The following ZNF385B variants were observed in gnomAD, a reference collection of about 807,000 sequenced individuals.
The protein encoded by ZNF385B is zinc finger protein 533.
In ZNF385B, 23 loss-of-function variants were observed where a neutral mutation model predicts 39.2. That is an observed-to-expected ratio of 0.59 (90% CI 0.42 to 0.83). ZNF385B has a LOEUF of 0.83. Ranked by LOEUF, ZNF385B falls within the 40% of genes least tolerant of loss-of-function variation. The pLI, the probability that ZNF385B is intolerant of heterozygous loss-of-function variation, is 0.00. For missense variants in ZNF385B, 552 were observed against 598.9 expected, an observed-to-expected ratio of 0.92 and a Z score of 0.82; for synonymous variants, 205 against 222.6, an observed-to-expected ratio of 0.92 and a Z score of 0.70.
intron 3 of ZNF385B, among the ~76,000 whole-genome samples, chr2:179,570,899 C>T (rs1161122576): frequency 1.3e-5 from 2 of 152,166 alleles, no homozygotes; most frequent in African/African-American, 4.8e-5. Context: ...TGAAAAGTTG[C>T]AGGCAAACCG....
intron 5 of ZNF385B, among the ~76,000 whole-genome samples, chr2:179,515,261 C>T (rs1305473973): frequency 6.6e-6 from 1 of 152,182 alleles, no homozygotes; most frequent in African/African-American, 2.4e-5. Context: ...TTCTAATAGG[C>T]AAATCCTTAT....
At chr2:179,507,297 C>G (rs1450246219) in intron 5 of ZNF385B, among the ~76,000 whole-genome samples, 1 of 152,166 alleles carries the variant, frequency 6.6e-6, no homozygotes. Context: ...AGGCCCCCTG[C>G]AGCCTATTCA....
chr2:179,594,850 C>G (rs1687869929), intron 3 of ZNF385B, among the ~76,000 whole-genome samples: 1 of 151,162 alleles, frequency 6.6e-6, no homozygotes, highest in African/African-American at 2.4e-5. Flanking sequence ...TTCTTTCACC[C>G]CAGCTCAGTG....
intron 9 of ZNF385B, among the ~76,000 whole-genome samples, chr2:179,443,924 G>C (rs186345245): frequency 9.2e-5 from 14 of 152,042 alleles, no homozygotes; most frequent in Non-Finnish European, 1.6e-4. Flanking sequence ...AGGACTTTAG[G>C]GACCCTGAAG....
At position 179,562,571 on chromosome 2, in the gene ZNF385B, C is replaced by T. The variant is rs1684046346; in HGVS notation, c.299-17602G>A. 5.1e-6 allele frequency: 5 copies of T among 985,220 alleles called. No homozygotes were observed. The South Asian group carries it at 2.3e-4, about 46-fold the overall frequency. 61.0% of individuals were successfully genotyped at this position (985,220 alleles called of 1,614,324 possible). ...AACAAATCATACGTCCTGTAATTGCCGCTTAGCTCTAATTACTATTGAGGA... is the reference window on the plus strand; with the variant it reads ...AACAAATCATACGTCCTGTAATTGCTGCTTAGCTCTAATTACTATTGAGGA... On this transcript the variant is annotated intron_variant, in intron 3 of 9. Coordinates refer to ENST00000410066, the MANE Select transcript of ZNF385B (RefSeq NM_152520.6).
At chr2:179,780,974 AAAC>A in intron 1 of ZNF385B, among the ~76,000 whole-genome samples, 2 of 152,326 alleles carry the variant, frequency 1.3e-5, no homozygotes, top group South Asian at 4.1e-4. Flanking sequence ...TCAACAGATT[AAAC>A]TGGGACTGCC....
chr2:179,665,422 A>G (rs1197737026), intron 3 of ZNF385B, among the ~76,000 whole-genome samples: 1 of 152,170 alleles, frequency 6.6e-6, no homozygotes, highest in Non-Finnish European at 1.5e-5. Flanking sequence ...TTTTCAAGGC[A>G]CTAAATCTTT....
intron 3 of ZNF385B, among the ~76,000 whole-genome samples, chr2:179,609,293 T>G (rs1251174123): frequency 6.6e-6 from 1 of 152,150 alleles, no homozygotes; most frequent in Non-Finnish European, 1.5e-5. Context: ...TGTGTTAATT[T>G]TTAGCTCCCA....
chr2:179,694,706 G>A (rs183958260), intron 3 of ZNF385B, among the ~76,000 whole-genome samples: 4 of 152,282 alleles, frequency 2.6e-5, no homozygotes, highest in African/African-American at 9.6e-5. Flanking sequence ...AAGGTAGGCA[G>A]ATCATTTGAG....
intron 1 of ZNF385B, among the ~76,000 whole-genome samples, chr2:179,838,313 C>G (rs1377176813): frequency 2.6e-5 from 4 of 152,202 alleles, no homozygotes; most frequent in African/African-American, 9.7e-5. Flanking sequence ...AATCACATGT[C>G]CCAAGCATGA....
intron 3 of ZNF385B, among the ~76,000 whole-genome samples, chr2:179,763,582 C>T (rs75501517): frequency 0.056 from 8,497 of 152,158 alleles, 308 homozygotes; most frequent in Middle Eastern, 0.1. Flanking sequence ...GCTTCTTGGT[C>T]GGGAACTTAC....
intron 3 of ZNF385B, among the ~76,000 whole-genome samples, chr2:179,608,755 G>A (rs1040266394): frequency 6.6e-6 from 1 of 151,826 alleles, no homozygotes; most frequent in African/African-American, 2.4e-5. Context: ...ATGACTCACT[G>A]TTGGTTTTTT....
At chr2:179,750,974 T>C (rs1037143441) in intron 3 of ZNF385B, among the ~76,000 whole-genome samples, 4 of 152,162 alleles carry the variant, frequency 2.6e-5, no homozygotes, top group Non-Finnish European at 4.4e-5. Context: ...ATTATCATAC[T>C]GATGCATTCT....
At chr2:179,461,847 C>G (rs2105473764) in intron 6 of ZNF385B, among the ~76,000 whole-genome samples, 1 of 152,226 alleles carries the variant, frequency 6.6e-6, no homozygotes, top group African/African-American at 2.4e-5. Context: ...TCCACACTCC[C>G]CAGGACCTGT....
chr2:179,634,127 A>G (rs920139382), intron 3 of ZNF385B, among the ~76,000 whole-genome samples: 4 of 152,222 alleles, frequency 2.6e-5, no homozygotes, highest in Admixed American at 6.5e-5. Flanking sequence ...CCTAGGCAAT[A>G]CCATTCAGGA....
At chr2:179,622,165 T>G (rs1690273265) in intron 3 of ZNF385B, among the ~76,000 whole-genome samples, 1 of 152,198 alleles carries the variant, frequency 6.6e-6, no homozygotes, top group African/African-American at 2.4e-5. Context: ...TGAGCCCTTA[T>G]GCAAATTAGT....
At chr2:179,460,785 A>T (rs2051245142) in intron 6 of ZNF385B, among the ~76,000 whole-genome samples, 1 of 152,148 alleles carries the variant, frequency 6.6e-6, no homozygotes, top group South Asian at 2.1e-4. Flanking sequence ...TTTCATTGCC[A>T]AACAATCAGC....
intron 1 of ZNF385B, among the ~76,000 whole-genome samples, chr2:179,803,059 AG>A (rs1378757287): frequency 6.6e-6 from 1 of 152,160 alleles, no homozygotes; most frequent in Non-Finnish European, 1.5e-5. Flanking sequence ...TACTGTTGTG[AG>A]GGAAACATTT....
chr2:179,598,496 G>T (rs1489261356), intron 3 of ZNF385B, among the ~76,000 whole-genome samples: 2 of 152,090 alleles, frequency 1.3e-5, no homozygotes, highest in Non-Finnish European at 2.9e-5. Flanking sequence ...GCATGTTACA[G>T]ACTTTTTTTG....
Sources: allele counts gnomAD v4.1 joint callset (sites outside exome capture counted in the v4.1 genomes callset), GRCh38; gene constraint gnomAD v4.1.1; transcripts MANE v1.5; gene names NCBI Gene and HGNC (gene_info 2026-07-23, HGNC 2026-07-21).